WASL: variants seen among roughly 807,000 people sequenced by gnomAD.
WASL encodes the protein WASP like actin nucleation promoting factor, also known as actin nucleation-promoting factor WASL.
In WASL, 20 loss-of-function variants were observed where a neutral mutation model predicts 55.5. The observed-to-expected ratio is 0.36, with a 90% CI of 0.25 to 0.52. The LOEUF (loss-of-function observed/expected upper bound fraction) is 0.52. Ranked by LOEUF, WASL falls within the 20% of genes least tolerant of loss-of-function variation. WASL has a pLI of 0.92. For synonymous variants in WASL, 249 were observed against 217.6 expected (o/e 1.14, Z -1.27); for missense variants, 504 against 622.5 (o/e 0.81, Z 2.03).
chr7:123,726,220 T>C (rs1268662962), intron 1 of WASL, among the ~76,000 whole-genome samples: 2 of 152,156 alleles, frequency 1.3e-5, no homozygotes, highest in Admixed American at 6.5e-5. Flanking sequence ...CAATTATTAT[T>C]AAAAAGGGTT....
chr7:123,747,885 G>A (rs1804461869), intron 1 of WASL, among the ~76,000 whole-genome samples: 1 of 151,890 alleles, frequency 6.6e-6, no homozygotes, highest in African/African-American at 2.4e-5. Context: ...ACCAAACTAA[G>A]AATCATTCTC....
chr7:123,704,345 A>G (rs552494804), intron 5 of WASL, among the ~76,000 whole-genome samples: 4 of 152,310 alleles, frequency 2.6e-5, no homozygotes, highest in East Asian at 3.9e-4. Flanking sequence ...TTAAAATATA[A>G]TAAGTATTAG....
At chr7:123,726,372 C>CA (rs1159659773) in intron 1 of WASL, among the ~76,000 whole-genome samples, 1 of 151,858 alleles carries the variant, frequency 6.6e-6, no homozygotes, top group Non-Finnish European at 1.5e-5. Flanking sequence ...TTATATAACA[C>CA]AAAAAATTTG....
chr7:123,689,305 G>A (rs989144041), intron 9 of WASL, among the ~76,000 whole-genome samples, 155 bp from the exon 10 acceptor site: 3 of 152,102 alleles, frequency 2.0e-5, no homozygotes, highest in African/African-American at 7.2e-5. Context: ...AAATTAACAA[G>A]AAATAAACTG....
At position 123,748,797 on chromosome 7, in the gene WASL, T is replaced by TC; in HGVS notation, c.-64dup. ...CTCCGGCGAGTGGGCGAGAGCTCGT[T>TC]CCCCCTCTCGGTGACAGGGGCGGGG... is the stretch of plus-strand genomic sequence containing the variant. On this transcript the variant is annotated 5_prime_UTR_variant, in exon 1 of 11. Coordinates refer to ENST00000223023, the MANE Select transcript of WASL (RefSeq NM_003941.4). The TC allele has an allele frequency of 7.4e-7, 1 of 1,352,362 alleles. No individual in the cohort carries two copies. The highest frequency in any genetic ancestry group is 9.8e-7 in the Non-Finnish European group (1 of 1,017,516). The allele number at this position is 1,352,362 out of a possible 1,614,324, so 83.8% of individuals were successfully genotyped here.
chr7:123,748,967 G>A lies in WASL; in HGVS notation c.-233C>T. The A allele has an allele frequency of 1.8e-6, 1 of 549,472 alleles. No homozygotes were observed. 34.0% of individuals were successfully genotyped at this position (549,472 alleles called of 1,614,324 possible). ...CCCGGCACCCGCCCGGCCAGGCTAG[G>A]GCCGGATGGTCGTTGTCCTCGCACT... On this transcript the variant is annotated 5_prime_UTR_variant, in exon 1 of 11. Coordinates refer to ENST00000223023, the MANE Select transcript of WASL (RefSeq NM_003941.4).
chr7:123,727,938 G>A (rs1452064812), intron 1 of WASL, among the ~76,000 whole-genome samples: 1 of 152,098 alleles, frequency 6.6e-6, no homozygotes, highest in Non-Finnish European at 1.5e-5. Flanking sequence ...TAGATAAATT[G>A]GAAAGAAAGC....
chr7:123,705,716 T>A (rs1333363468), intron 4 of WASL, among the ~76,000 whole-genome samples: 1 of 152,212 alleles, frequency 6.6e-6, no homozygotes, highest in African/African-American at 2.4e-5. Flanking sequence ...TTGTTTTATA[T>A]GTGTTAGAGT....
chr7:123,707,574 C>T (rs3807638), intron 2 of WASL, among the ~76,000 whole-genome samples: 1,749 of 152,174 alleles, frequency 0.011, 110 homozygotes, highest in Admixed American at 0.099. Context: ...ATAGTCATTG[C>T]CCTATTCAGA....
In WASL at chr7:123,683,444, GA is replaced by G. The variant is rs1226145816; in HGVS notation, c.*1074del. On this transcript the variant is annotated 3_prime_UTR_variant, in exon 11 of 11. Coordinates refer to ENST00000223023, the MANE Select transcript of WASL (RefSeq NM_003941.4). ...GACATTGGGACCACCAATCTTTTAAGAAAAATGTAACTCTTCACATGCTATT... is the reference window on the plus strand; with the variant it reads ...GACATTGGGACCACCAATCTTTTAAGAAAATGTAACTCTTCACATGCTATT... 1 of 151,530 alleles carries G rather than the reference GA, an allele frequency of 6.6e-6. No individual in the cohort carries two copies. 9.4% of individuals were successfully genotyped at this position (151,530 alleles called of 1,614,324 possible).
At position 123,692,561 on chromosome 7, in the gene WASL, G is replaced by A. The variant is rs1803430311; in HGVS notation, c.1133C>T (p.Pro378Leu). ...VGPVAPPPPP[P>L]PPPPPGPPPP... The stretch of plus-strand genomic sequence containing the variant: ...CGGTGGCCCAGGAGGAGGTGGAGGT[G>A]GAGGCGGTGGGGGTGGTGCCACTGG... The change falls in exon 9 of 11, where the codon CCA becomes CTA. Residue 378 changes from proline to leucine, a missense_variant. Transcript: ENST00000223023. 1 of 1,613,676 alleles carries A rather than the reference G, an allele frequency of 6.2e-7. No individual in the cohort carries two copies. Among genetic ancestry groups the A allele is most frequent in the Non-Finnish European group, 8.5e-7 (1 of 1,179,748 alleles).
rs73441422 is a variant in WASL, at chr7:123,702,466, C to A, written c.460+2168G>T. 2.9e-3 allele frequency among the ~76,000 whole-genome samples: 438 copies of A among 152,222 alleles called. 1 individual carries two copies. Among genetic ancestry groups the A allele is most frequent in the African/African-American group, 0.01 (418 of 41,538 alleles). ...TCTATCTATTCATGGAAACTAGATG[C>A]CTCTTCAGAAATTCATTTTATAAAT... On this transcript the variant is annotated intron_variant, in intron 5 of 10. Coordinates refer to ENST00000223023, the MANE Select transcript of WASL (RefSeq NM_003941.4).
intron 1 of WASL, among the ~76,000 whole-genome samples, chr7:123,726,866 A>AAATAAT (rs144632237): frequency 1.5e-3 from 227 of 151,332 alleles, no homozygotes; most frequent in Admixed American, 3.4e-3. Flanking sequence ...ACTTCATCTC[A>AAATAAT]AATAATAATA....
In WASL at chr7:123,741,149, T is replaced by C. The variant is rs73718473; in HGVS notation, c.117+7469A>G. ...CAGGGTTGGTTCTTGCCTTGTACCC[T>C]GAGCTGCCAGGATAGGCTCCAGCCA... On this transcript the variant is annotated intron_variant, in intron 1 of 10. Coordinates refer to ENST00000223023, the MANE Select transcript of WASL (RefSeq NM_003941.4). 9.2e-3 allele frequency among the ~76,000 whole-genome samples: 1,406 copies of C among 152,306 alleles called. 20 individuals are homozygous for C. The highest frequency in any genetic ancestry group is 0.032 in the African/African-American group (1,329 of 41,556).
intron 4 of WASL, among the ~76,000 whole-genome samples, chr7:123,704,944 T>C (rs1803644603): frequency 6.6e-6 from 1 of 152,194 alleles, no homozygotes; most frequent in African/African-American, 2.4e-5. Flanking sequence ...AGGGACTAGA[T>C]CATGTAGGGT....
chr7:123,692,812 T>G lies in WASL; in HGVS notation c.882A>C (p.Pro294=). ...RGGPPPPPPP[P]HNSGPPPPPA... Reference sequence around the variant, plus strand: ...GAGGAGGAGGAGGACCTGAGTTGTGTGGAGGGGGAGGAGGAGGAGGTGGCC... The same window carrying G: ...GAGGAGGAGGAGGACCTGAGTTGTGGGGAGGGGGAGGAGGAGGAGGTGGCC... The change falls in exon 9 of 11, where the codon CCA becomes CCC. Residue 294 remains proline (P), a synonymous_variant. Transcript: ENST00000223023. 7.0e-7 allele frequency: 1 copy of G among 1,421,034 alleles called. No homozygotes were observed. The allele number at this position is 1,421,034 out of a possible 1,614,324, so 88.0% of individuals were successfully genotyped here.
intron 10 of WASL, among the ~76,000 whole-genome samples, chr7:123,688,337 G>C (rs1415402209): frequency 6.6e-6 from 1 of 151,838 alleles, no homozygotes; most frequent in Non-Finnish European, 1.5e-5. Context: ...TGAGGTAAAT[G>C]GCCCGATTTA....
intron 1 of WASL, among the ~76,000 whole-genome samples, chr7:123,744,300 T>C (rs949229954): frequency 6.6e-6 from 1 of 152,168 alleles, no homozygotes; most frequent in South Asian, 2.1e-4. Flanking sequence ...CTGAAGGGCT[T>C]AACAACCTAA....
At chr7:123,739,757 G>A (rs1044611419) in intron 1 of WASL, among the ~76,000 whole-genome samples, 1 of 152,068 alleles carries the variant, frequency 6.6e-6, no homozygotes, top group Non-Finnish European at 1.5e-5. Flanking sequence ...ATCTGTACCT[G>A]ATAAGCTGCT....
Sources: allele counts gnomAD v4.1 joint callset (sites outside exome capture counted in the v4.1 genomes callset), GRCh38; gene constraint gnomAD v4.1.1; transcripts MANE v1.5; gene names NCBI Gene and HGNC (gene_info 2026-07-23, HGNC 2026-07-21).